The following PPP2R3B variants were observed in gnomAD, a reference collection of about 807,000 sequenced individuals.
PPP2R3B encodes serine/threonine-protein phosphatase 2A regulatory subunit B'' subunit beta.
A neutral mutation model predicts 72.9 loss-of-function variants in PPP2R3B; 68 were observed. That is an observed-to-expected ratio of 0.93 (90% CI 0.77 to 1.14). The LOEUF (loss-of-function observed/expected upper bound fraction) is 1.14, where lower values mean the gene tolerates loss of function less well. PPP2R3B is among the 50% of genes most tolerant of loss of function. The pLI, the probability that PPP2R3B is intolerant of heterozygous loss-of-function variation, is 0.00. For missense variants in PPP2R3B, 1,018 were observed against 842.0 expected, an observed-to-expected ratio of 1.21 and a Z score of -2.59; for synonymous variants, 466 against 375.8, an observed-to-expected ratio of 1.24 and a Z score of -2.78.
At chrX:362,061 G>A (rs941512353) in intron 1 of PPP2R3B, among the ~76,000 whole-genome samples, 4 of 152,118 alleles carry the variant, frequency 2.6e-5, no homozygotes, top group South Asian at 2.1e-4. Flanking sequence ...CCTGGAGCCC[G>A]GAAGACTCAC....
At chrX:339,050 G>A (rs1383774740) in intron 10 of PPP2R3B, among the ~76,000 whole-genome samples, 154 bp from the exon 11 acceptor site, 4 of 152,158 alleles carry the variant, frequency 2.6e-5, no homozygotes, top group Non-Finnish European at 4.4e-5. Flanking sequence ...GCGGACACGC[G>A]AGTGTCCTGG....
chrX:367,456 T>C (rs1474655889), intron 1 of PPP2R3B, among the ~76,000 whole-genome samples: 1 of 149,560 alleles, frequency 6.7e-6, no homozygotes, highest in Non-Finnish European at 1.5e-5. Flanking sequence ...AGAGACGGGG[T>C]CTCGCTATGT....
chrX:369,085 C>T (rs2071798514), intron 1 of PPP2R3B, among the ~76,000 whole-genome samples: 2 of 152,246 alleles, frequency 1.3e-5, no homozygotes, highest in African/African-American at 2.4e-5. Context: ...GGCCACCTCT[C>T]GGGCTGAGCT....
intron 1 of PPP2R3B, among the ~76,000 whole-genome samples, chrX:363,255 A>ACGATCCCACAG (rs2071582246): frequency 7.6e-6 from 1 of 132,180 alleles, no homozygotes; most frequent in Non-Finnish European, 1.6e-5. Context: ...CCCCGAGCCC[A>ACGATCCCACAG]TGATCCCGCA....
rs752868820 is a variant in PPP2R3B at position 338,789 on chromosome X, A to T, written c.1459T>A (p.Ser487Thr). Residue 487 changes from serine (S) to threonine (T), a missense_variant, in exon 11 of 13, where the codon TCC becomes ACC. Coordinates refer to ENST00000390665, the MANE Select transcript of PPP2R3B (RefSeq NM_013239.5). ...YLDHEQKEQI[S>T]LLRDGDSGGP... ...CCCGCCGCACTCACCCTGAGCAGGG[A>T]GATCTGCTCTTTCTGCTCGTGGTCG... The T allele has an allele frequency of 2.5e-6, 4 of 1,612,286 alleles. No homozygotes were observed. Among genetic ancestry groups the T allele is most frequent in the Non-Finnish European group, 3.4e-6 (4 of 1,179,590 alleles).
chrX:334,698 T>G (rs2070841737), intron 12 of PPP2R3B, 181 bp from the exon 13 acceptor site: 1 of 712,612 alleles, frequency 1.4e-6, no homozygotes, highest in Non-Finnish European at 2.1e-6. Flanking sequence ...GCTCCACGAA[T>G]GCTCCCGGGG....
At chrX:336,843 T>C (rs1457058028) in intron 12 of PPP2R3B, 3 of 151,660 alleles carry the variant, frequency 2.0e-5, no homozygotes, top group Non-Finnish European at 4.4e-5. Context: ...ACAAAAATCC[T>C]GCCGAGAGAC....
chrX:345,358 G>T (rs1346928362), intron 7 of PPP2R3B, 158 bp downstream of exon 7: 2 of 1,042,726 alleles, frequency 1.9e-6, no homozygotes, highest in South Asian at 2.7e-5. Context: ...TGGGGAAGGA[G>T]AGGCAGCTGC....
chrX:371,390 C>A (rs189234513), intron 1 of PPP2R3B, among the ~76,000 whole-genome samples: 1 of 152,168 alleles, frequency 6.6e-6, no homozygotes, highest in Non-Finnish European at 1.5e-5. Flanking sequence ...GCCCCCACCC[C>A]CCGAGTTTGG....
chrX:386,552 G>A lies in PPP2R3B; in HGVS notation c.140C>T (p.Pro47Leu), dbSNP rs2072257314. ...RRIKAPGRDQ[P>L]TPGDGEQPGA... ...GGGCTGCTCCCCGTCCCCCGGGGTC[G>A]GCTGGTCCCGCCCGGGCGCCTTGAT... The change falls in exon 1 of 13, where the codon CCG becomes CTG. Residue 47 changes from proline to leucine, a missense_variant. Coordinates refer to ENST00000390665, the MANE Select transcript of PPP2R3B (RefSeq NM_013239.5). The A allele has an allele frequency of 7.0e-7, 1 of 1,434,030 alleles. No individual in the cohort carries two copies. Among genetic ancestry groups the A allele is most frequent in the Non-Finnish European group, 9.2e-7 (1 of 1,091,566 alleles). 88.8% of individuals were successfully genotyped at this position (1,434,030 alleles called of 1,614,324 possible).
chrX:346,304 G>A, intron 5 of PPP2R3B, 44 bp from the exon 6 acceptor site: 1 of 1,527,054 alleles, frequency 6.5e-7, no homozygotes. Context: ...GAGACCCCCA[G>A]GAGCCTCGCC....
intron 1 of PPP2R3B, among the ~76,000 whole-genome samples, chrX:364,842 C>A (rs867339519): frequency 1.9e-4 from 5 of 25,862 alleles, no homozygotes; most frequent in Admixed American, 4.4e-4. Flanking sequence ...GAGATCGCAC[C>A]ACTGCACTCC....
chrX:375,487 G>A (rs5987280), intron 1 of PPP2R3B, among the ~76,000 whole-genome samples: 4 of 133,380 alleles, frequency 3.0e-5, no homozygotes, highest in Non-Finnish European at 4.7e-5. Flanking sequence ...GCAGAGGTGC[G>A]GCCCAGTAAC....
At chrX:335,519 C>CA (rs2070865746) in intron 12 of PPP2R3B, 1 of 152,142 alleles carries the variant, frequency 6.6e-6, no homozygotes, top group African/African-American at 2.4e-5. Context: ...GATGGGGGAG[C>CA]AGGGGTTAAA....
At position 356,750 on chromosome X, in the gene PPP2R3B, T is replaced by C. The variant is rs150587081; in HGVS notation, c.510+4655A>G. On this transcript the variant is annotated intron_variant, in intron 2 of 12. Transcript: ENST00000390665. ...ACACACAGCAGAAGCTACTCAGTGA[T>C]AGAAAAGAAACTGCCCATACGGCCA... Among the ~76,000 whole-genome samples, 468 of 150,694 alleles carry C rather than the reference T, an allele frequency of 3.1e-3. 4 individuals carry two copies. The highest frequency in any genetic ancestry group is 0.014 in the Middle Eastern group (4 of 294).
intron 1 of PPP2R3B, among the ~76,000 whole-genome samples, chrX:379,974 T>C (rs1216862486): frequency 6.6e-6 from 1 of 152,170 alleles, no homozygotes; most frequent in East Asian, 1.9e-4. Flanking sequence ...ACGTACGTAC[T>C]CAACTGACTT....
intron 1 of PPP2R3B, chrX:373,637 C>T (rs1183851160): frequency 3.6e-6 from 1 of 280,378 alleles, no homozygotes; most frequent in Non-Finnish European, 7.6e-6. Context: ...CCTGGCGCAG[C>T]GAGCGCTCGC....
At position 334,134 on chromosome X, in the gene PPP2R3B, C is replaced by T. The variant is rs1256507774; in HGVS notation, c.*233G>A. ...GGGAACGGCAAGCGCCAGAGGGTGTCCGTGTGGGAACCCGTCCCATTCACG... is the reference window on the plus strand; with the variant it reads ...GGGAACGGCAAGCGCCAGAGGGTGTTCGTGTGGGAACCCGTCCCATTCACG... On this transcript the variant is annotated 3_prime_UTR_variant, in exon 13 of 13. Coordinates refer to ENST00000390665, the MANE Select transcript of PPP2R3B (RefSeq NM_013239.5). The T allele has an allele frequency of 2.4e-6, 1 of 420,012 alleles. No individual in the cohort carries two copies. The highest frequency in any genetic ancestry group is 2.1e-5 in the African/African-American group (1 of 47,682). 26.0% of individuals were successfully genotyped at this position (420,012 alleles called of 1,614,324 possible). A position where few individuals can be genotyped will look rare whatever the true frequency, so the allele number is the denominator to read the frequency against.
intron 1 of PPP2R3B, among the ~76,000 whole-genome samples, chrX:385,171 A>C (rs1476147229): frequency 1.3e-5 from 2 of 151,828 alleles, no homozygotes; most frequent in Non-Finnish European, 2.9e-5. Context: ...GGTAACATGC[A>C]TGTTTGTTCA....
Sources: gnomAD v4.1 joint callset for allele counts (sites outside exome capture counted in the v4.1 genomes callset) on GRCh38, gnomAD v4.1.1 for gene constraint, MANE v1.5 for transcripts, NCBI Gene and HGNC (gene_info 2026-07-23, HGNC 2026-07-21) for gene names.